Variants in NLGN1 observed in about 807,000 individuals in gnomAD.
NLGN1 encodes the protein neuroligin 1.
NLGN1 carries 12 observed loss-of-function variants against 65.5 expected under a neutral mutation model. That is an observed-to-expected ratio of 0.18 (90% confidence interval 0.12 to 0.30). The LOEUF (loss-of-function observed/expected upper bound fraction) is 0.30. Ranked by LOEUF, NLGN1 falls within the 10% of genes least tolerant of loss-of-function variation. The pLI, the probability that NLGN1 is intolerant of heterozygous loss-of-function variation, is 1.00. For missense variants in NLGN1, 750 were observed against 1,007.1 expected (o/e 0.74, Z 3.46); for synonymous variants, 350 against 359.5 (o/e 0.97, Z 0.30).
At chr3:173,581,695 A>T (rs981547251) in intron 2 of NLGN1, among the ~76,000 whole-genome samples, 1 of 151,954 alleles carries the variant, frequency 6.6e-6, no homozygotes, top group African/African-American at 2.4e-5. Context: ...CAGTTTTTTA[A>T]AAAAATCTCC....
chr3:174,028,394 G>T (rs980552196), intron 4 of NLGN1, among the ~76,000 whole-genome samples: 5 of 152,208 alleles, frequency 3.3e-5, no homozygotes, highest in African/African-American at 1.2e-4. Flanking sequence ...AGATGGACAT[G>T]AGGAACTTGT....
intron 2 of NLGN1, among the ~76,000 whole-genome samples, chr3:173,470,004 T>C (rs986947824): frequency 3.3e-5 from 5 of 151,492 alleles, no homozygotes; most frequent in African/African-American, 1.2e-4. Flanking sequence ...ATATGTATAA[T>C]TATTTTCTGA....
intron 3 of NLGN1, among the ~76,000 whole-genome samples, chr3:173,698,741 C>A (rs370966576): frequency 2.0e-5 from 3 of 152,054 alleles, no homozygotes; most frequent in African/African-American, 4.8e-5. Context: ...TTTCAAAAAG[C>A]CTTTATTTTG....
At chr3:173,711,359 A>T (rs1768945968) in intron 3 of NLGN1, among the ~76,000 whole-genome samples, 1 of 152,220 alleles carries the variant, frequency 6.6e-6, no homozygotes, top group Non-Finnish European at 1.5e-5. Context: ...GAGAAGTAGG[A>T]CAATAAACCA....
chr3:173,769,510 T>C (rs1007939043), intron 3 of NLGN1, among the ~76,000 whole-genome samples: 4 of 152,216 alleles, frequency 2.6e-5, no homozygotes, highest in African/African-American at 9.6e-5. Flanking sequence ...TGTGGTCCCC[T>C]GACAACTCAT....
chr3:173,835,538 T>C, intron 4 of NLGN1, among the ~76,000 whole-genome samples: 1 of 150,520 alleles, frequency 6.6e-6, no homozygotes, highest in Non-Finnish European at 1.5e-5. Context: ...CAATACATGT[T>C]AGTATATGTA....
At chr3:173,602,357 C>T (rs1411059868) in intron 2 of NLGN1, among the ~76,000 whole-genome samples, 2 of 151,882 alleles carry the variant, frequency 1.3e-5, no homozygotes, top group African/African-American at 4.8e-5. Flanking sequence ...ATTATAGTAG[C>T]AACTTCTGAA....
At chr3:173,472,671 T>G (rs929924874) in intron 2 of NLGN1, among the ~76,000 whole-genome samples, 16 of 152,098 alleles carry the variant, frequency 1.1e-4, no homozygotes, top group Non-Finnish European at 1.9e-4. Context: ...CTTTCCCTTT[T>G]TATTACTAAC....
At chr3:174,197,751 C>CGTGTGTGTGTGTGT (rs71162378) in intron 4 of NLGN1, among the ~76,000 whole-genome samples, 28,187 of 141,246 alleles carry the variant, frequency 0.2, 3,260 homozygotes, top group African/African-American at 0.31. Flanking sequence ...CCCATTATCT[C>CGTGTGTGTGTGTGT]GTGTGTGTGT....
intron 2 of NLGN1, among the ~76,000 whole-genome samples, chr3:173,451,777 G>C (rs1381254337): frequency 6.6e-6 from 1 of 152,170 alleles, no homozygotes; most frequent in Non-Finnish European, 1.5e-5. Flanking sequence ...CCCTCCCGCA[G>C]CCTCGCTGCC....
At chr3:173,979,729 G>GTA (rs746708597) in intron 4 of NLGN1, among the ~76,000 whole-genome samples, 2 of 152,064 alleles carry the variant, frequency 1.3e-5, no homozygotes, top group African/African-American at 2.4e-5. Context: ...TTATTTTCCT[G>GTA]TATATCCATA....
chr3:173,635,179 G>A (rs929949544), intron 3 of NLGN1, among the ~76,000 whole-genome samples: 4 of 152,016 alleles, frequency 2.6e-5, no homozygotes, highest in Non-Finnish European at 5.9e-5. Context: ...CCTGCCCTTT[G>A]CTTCTTATAT....
intron 3 of NLGN1, among the ~76,000 whole-genome samples, chr3:173,707,947 G>A (rs1768305635): frequency 6.6e-6 from 1 of 152,062 alleles, no homozygotes; most frequent in Admixed American, 6.5e-5. Context: ...TTTGTTATTG[G>A]TTCAAAAATT....
At chr3:173,654,587 A>G (rs1759694830) in intron 3 of NLGN1, among the ~76,000 whole-genome samples, 1 of 152,104 alleles carries the variant, frequency 6.6e-6, no homozygotes, top group African/African-American at 2.4e-5. Context: ...TTTTAAACTA[A>G]TATTTCTCAA....
intron 3 of NLGN1, among the ~76,000 whole-genome samples, chr3:173,607,044 A>G (rs73181071): frequency 0.081 from 12,378 of 152,046 alleles, 662 homozygotes; most frequent in South Asian, 0.21. Flanking sequence ...TGAAGAATGC[A>G]TAGAGCATAA....
intron 2 of NLGN1, among the ~76,000 whole-genome samples, chr3:173,515,080 C>T (rs1489221416): frequency 6.6e-6 from 1 of 152,130 alleles, no homozygotes; most frequent in East Asian, 1.9e-4. Context: ...AACCTTCAAA[C>T]AGTTTTCCAC....
intron 1 of NLGN1, among the ~76,000 whole-genome samples, chr3:173,429,191 C>A (rs898032169): frequency 4.0e-5 from 6 of 151,858 alleles, no homozygotes; most frequent in African/African-American, 1.5e-4. Flanking sequence ...CTTTTTCATT[C>A]TTTTTTTCTG....
intron 4 of NLGN1, among the ~76,000 whole-genome samples, chr3:173,998,868 C>G (rs1722757930): frequency 6.6e-6 from 1 of 152,176 alleles, no homozygotes; most frequent in Non-Finnish European, 1.5e-5. Context: ...CACCCTCCAA[C>G]TTCATGCTGA....
chr3:173,562,465 G>A (rs1742901254), intron 2 of NLGN1, among the ~76,000 whole-genome samples: 1 of 151,950 alleles, frequency 6.6e-6, no homozygotes, highest in Admixed American at 6.6e-5. Flanking sequence ...TACTTGGGAG[G>A]CTGAGGCAGG....
Sources: gnomAD v4.1 joint callset for allele counts (sites outside exome capture counted in the v4.1 genomes callset) on GRCh38, gnomAD v4.1.1 for gene constraint, MANE v1.5 for transcripts, NCBI Gene and HGNC (gene_info 2026-07-23, HGNC 2026-07-21) for gene names.